Variants in RUNX2 observed in about 807,000 individuals in gnomAD.
RUNX2 encodes runt-related transcription factor 2.
RUNX2 carries 10 observed loss-of-function variants against 51.7 expected under a neutral mutation model. The observed-to-expected ratio is 0.19, with a 90% CI of 0.12 to 0.33. The LOEUF is 0.33. Among genes scored for constraint, RUNX2 ranks in the 10% least tolerant of loss-of-function variants. The pLI is 1.00. For missense variants in RUNX2, 562 were observed against 691.3 expected (o/e 0.81, Z 2.10); for synonymous variants, 276 against 273.6 (o/e 1.01, Z -0.09).
At chr6:45,465,802 ATTT>A (rs36066562) in intron 5 of RUNX2, among the ~76,000 whole-genome samples, 2 of 139,476 alleles carry the variant, frequency 1.4e-5, no homozygotes, top group Non-Finnish European at 1.6e-5. Flanking sequence ...CGCCTGGCTA[ATTT>A]TTTTTTTTTT....
intron 2 of RUNX2, among the ~76,000 whole-genome samples, chr6:45,369,000 A>G (rs1169663492): frequency 2.6e-5 from 4 of 152,124 alleles, no homozygotes; most frequent in African/African-American, 9.7e-5. Context: ...ATCACTGAGA[A>G]TGAAAAAAAT....
intron 7 of RUNX2, among the ~76,000 whole-genome samples, chr6:45,540,132 T>C (rs1346242133): frequency 6.6e-6 from 1 of 152,160 alleles, no homozygotes; most frequent in Non-Finnish European, 1.5e-5. Flanking sequence ...AGAGGGGCCA[T>C]GCTTAGGAGC....
chr6:45,473,971 G>A (rs969979416), intron 5 of RUNX2, among the ~76,000 whole-genome samples: 2 of 152,154 alleles, frequency 1.3e-5, no homozygotes, highest in South Asian at 2.1e-4. Flanking sequence ...CCGCAGCACC[G>A]CCACTTCAGG....
chr6:45,383,444 A>G (rs1183154630), intron 2 of RUNX2, among the ~76,000 whole-genome samples: 1 of 152,194 alleles, frequency 6.6e-6, no homozygotes, highest in African/African-American at 2.4e-5. Context: ...CTCAGTAAAT[A>G]AATAAATAAG....
intron 2 of RUNX2, among the ~76,000 whole-genome samples, chr6:45,384,195 A>C (rs1276106422): frequency 6.6e-6 from 1 of 152,178 alleles, no homozygotes; most frequent in African/African-American, 2.4e-5. Context: ...TTAAATGGGA[A>C]GTTCCTGACA....
chr6:45,506,457 C>T (rs1421906882), intron 6 of RUNX2, among the ~76,000 whole-genome samples: 2 of 152,132 alleles, frequency 1.3e-5, no homozygotes, highest in East Asian at 3.8e-4. Flanking sequence ...ATTTCCCAAG[C>T]ACTCAAGAGT....
rs573002791 is a variant in RUNX2, at chr6:45,502,571, C to T, written c.860-9675C>T. ...CCATCCAGAACTCATCCTGATCCAG[C>T]CTGAGGCCATCTCAGGAGCCTCGCC... is the stretch of plus-strand genomic sequence containing the variant. On this transcript the variant is annotated intron_variant, in intron 6 of 8. Coordinates refer to ENST00000647337, the MANE Select transcript of RUNX2 (RefSeq NM_001024630.4). Among the ~76,000 whole-genome samples, 6 of 152,244 alleles carry T rather than the reference C, an allele frequency of 3.9e-5. No homozygotes were observed. In the South Asian group the frequency reaches 1.2e-3, roughly 32 times the overall value.
chr6:45,370,346 T>C (rs1795850378), intron 2 of RUNX2, among the ~76,000 whole-genome samples: 1 of 152,104 alleles, frequency 6.6e-6, no homozygotes, highest in African/African-American at 2.4e-5. Context: ...TAGAAACTGG[T>C]TGAATGGTGG....
At chr6:45,443,883 A>T (rs1315023059) in intron 5 of RUNX2, among the ~76,000 whole-genome samples, 1 of 151,878 alleles carries the variant, frequency 6.6e-6, no homozygotes, top group African/African-American at 2.4e-5. Context: ...AATTTTTAAA[A>T]TTTTTTTTCG....
rs781083561 is a variant in RUNX2 at position 45,422,778 on chromosome 6, G to A, written c.244G>A (p.Ala82Thr). The change falls in exon 3 of 9, where the codon GCG becomes ACG. Residue 82 changes from alanine (A) to threonine (T), a missense_variant. Physicochemically the swap from Ala to Thr is moderately conservative, Grantham distance 58 (BLOSUM62 0). Around this residue, in one of 5 missense-constraint regions of RUNX2, gnomAD observed 153 missense variants for 144.8 expected, o/e 1.06. Coordinates refer to ENST00000647337, the MANE Select transcript of RUNX2 (RefSeq NM_001024630.4). ...GGCGGCGGCGGCTGCGGCGGCGGCG[G>A]CGGCTGCGGCGGCGGCAGCTGCAGT... ...EAAAAAAAAA[A>T]AAAAAAAVPR... is the part of the protein sequence containing the mutation. 1.4e-6 allele frequency: 2 copies of A among 1,471,824 alleles called. No individual in the cohort carries two copies. The highest frequency in any genetic ancestry group is 5.8e-5 in the East Asian group (2 of 34,592). The allele number at this position is 1,471,824 out of a possible 1,614,324, so 91.2% of individuals were successfully genotyped here. A position where few individuals can be genotyped will look rare whatever the true frequency, so the allele number is the denominator to read the frequency against.
At chr6:45,348,712 A>G (rs533524715) in intron 2 of RUNX2, among the ~76,000 whole-genome samples, 1 of 152,012 alleles carries the variant, frequency 6.6e-6, no homozygotes, top group African/African-American at 2.4e-5. Flanking sequence ...ATATCATTCA[A>G]CTAACAAGGC....
intron 5 of RUNX2, among the ~76,000 whole-genome samples, chr6:45,439,812 G>A (rs1400999615): frequency 2.0e-5 from 3 of 152,172 alleles, no homozygotes; most frequent in African/African-American, 7.2e-5. Context: ...ATGACAATAA[G>A]TGAGAAGGCA....
chr6:45,333,468 T>C (rs542542525), intron 2 of RUNX2, among the ~76,000 whole-genome samples: 49 of 151,682 alleles, frequency 3.2e-4, no homozygotes, highest in Middle Eastern at 3.4e-3. Flanking sequence ...CCCTTTATAC[T>C]ATTTATTAAG....
intron 7 of RUNX2, among the ~76,000 whole-genome samples, chr6:45,525,690 A>G (rs983742972): frequency 1.3e-5 from 2 of 152,176 alleles, no homozygotes; most frequent in African/African-American, 2.4e-5. Flanking sequence ...TTTAGTAATC[A>G]TCACATCAGA....
At chr6:45,473,803 T>A (rs888576973) in intron 5 of RUNX2, among the ~76,000 whole-genome samples, 1 of 152,216 alleles carries the variant, frequency 6.6e-6, no homozygotes, top group African/African-American at 2.4e-5. Flanking sequence ...CACTTCCCTC[T>A]GAAATTTTGA....
intron 2 of RUNX2, among the ~76,000 whole-genome samples, chr6:45,362,023 C>T (rs1794346399): frequency 1.3e-5 from 2 of 152,076 alleles, no homozygotes; most frequent in Admixed American, 1.3e-4. Flanking sequence ...TGCACTCCAG[C>T]GCCTGGGCAA....
chr6:45,447,223 C>T (rs969271161), intron 5 of RUNX2, among the ~76,000 whole-genome samples: 2 of 152,192 alleles, frequency 1.3e-5, no homozygotes, highest in East Asian at 1.9e-4. Flanking sequence ...GGACCTTTGC[C>T]GGCCTTGAGG....
chr6:45,531,133 T>C (rs1214406489), intron 7 of RUNX2, among the ~76,000 whole-genome samples: 1 of 152,196 alleles, frequency 6.6e-6, no homozygotes, highest in African/African-American at 2.4e-5. Flanking sequence ...ATTCCAGGTC[T>C]TTTAGCTCCA....
chr6:45,473,821 G>A (rs1470682132), intron 5 of RUNX2, among the ~76,000 whole-genome samples: 2 of 152,200 alleles, frequency 1.3e-5, no homozygotes, highest in East Asian at 3.9e-4. Flanking sequence ...TGAGTCAGGA[G>A]TTCTTGAAAG....
Sources: gnomAD v4.1 joint callset for allele counts (sites outside exome capture counted in the v4.1 genomes callset) on GRCh38, gnomAD v4.1.1 for gene constraint, gnomAD v4.1.1 regional missense constraint, MANE v1.5 for transcripts, NCBI Gene and HGNC (gene_info 2026-07-23, HGNC 2026-07-21) for gene names.